The following SKIC8 variants were observed in gnomAD, a reference collection of about 807,000 sequenced individuals.
SKIC8 encodes the protein superkiller complex protein 8.
At chr15:78,289,023 C>A in the SKIC8 span, 1 of 395,934 alleles carries the variant, frequency 2.5e-6, no homozygotes, top group Non-Finnish European at 4.9e-6. Flanking sequence ...CACACACATA[C>A]ATAATGTGAT....
At chr15:78,294,614 T>C in the SKIC8 span, 1 of 303,726 alleles carries the variant, frequency 3.3e-6, no homozygotes, top group Non-Finnish European at 6.2e-6. Flanking sequence ...TGAGCCGGCA[T>C]TAACAGAGTT....
the SKIC8 span, chr15:78,285,894 C>A: frequency 1.7e-6 from 1 of 592,104 alleles, no homozygotes; most frequent in Non-Finnish European, 2.9e-6. Flanking sequence ...CAACTAACAT[C>A]ACTAAATAAA....
the SKIC8 span, chr15:78,293,240 C>G: frequency 6.2e-7 from 1 of 1,614,040 alleles, no homozygotes; most frequent in Non-Finnish European, 8.5e-7. Context: ...TTGTTTGTCC[C>G]CCAAGCAACT....
the SKIC8 span, chr15:78,292,721 T>C: frequency 1.9e-6 from 3 of 1,614,230 alleles, no homozygotes; most frequent in South Asian, 2.2e-5. Flanking sequence ...GTGTGGCTGA[T>C]GTCCACAGAC....
At chr15:78,283,533 A>C in the SKIC8 span, 179 of 1,593,364 alleles carry the variant, frequency 1.1e-4, 3 homozygotes, top group South Asian at 2.0e-3. Flanking sequence ...TGTAAATTTA[A>C]AAAAAGATAG....
chr15:78,289,043 T>A, the SKIC8 span: 2 of 357,810 alleles, frequency 5.6e-6, no homozygotes, highest in East Asian at 1.7e-4. Flanking sequence ...TAGATTACGA[T>A]ATAATAAATA....
chr15:78,297,776 C>T, the SKIC8 span, among the ~76,000 whole-genome samples: 1 of 152,172 alleles, frequency 6.6e-6, no homozygotes. Context: ...TAAGGGACCA[C>T]ACAGTTAAGG....
the SKIC8 span, chr15:78,283,806 C>T: frequency 4.4e-6 from 1 of 226,878 alleles, no homozygotes; most frequent in South Asian, 1.3e-4. Flanking sequence ...GAGTCAGAAT[C>T]CTGAAGTGTA....
At chr15:78,292,414 G>A in the SKIC8 span, 1 of 579,848 alleles carries the variant, frequency 1.7e-6, no homozygotes, top group South Asian at 2.0e-5. Flanking sequence ...AAACATTCAT[G>A]TTTACTTGCA....
the SKIC8 span, chr15:78,295,529 G>C: frequency 1.0e-6 from 1 of 987,046 alleles, no homozygotes. Context: ...TAACACTGTG[G>C]TGACTAGGTA....
At chr15:78,298,097 G>A in the SKIC8 span, among the ~76,000 whole-genome samples, 6 of 152,088 alleles carry the variant, frequency 3.9e-5, no homozygotes, top group Admixed American at 2.0e-4. Flanking sequence ...GGGTAGGAAA[G>A]ACAGGAAAGT....
the SKIC8 span, among the ~76,000 whole-genome samples, chr15:78,298,252 C>T: frequency 6.6e-6 from 1 of 152,194 alleles, no homozygotes; most frequent in South Asian, 2.1e-4. Context: ...AGGAGGAAGG[C>T]TTGCGGTAAG....
chr15:78,288,205 A>G, the SKIC8 span: 2 of 1,431,794 alleles, frequency 1.4e-6, no homozygotes, highest in Non-Finnish European at 1.9e-6. Flanking sequence ...GGTCTTTACT[A>G]GGGCTCCTCC....
At chr15:78,297,136 G>C in the SKIC8 span, among the ~76,000 whole-genome samples, 11 of 152,126 alleles carry the variant, frequency 7.2e-5, no homozygotes, top group Non-Finnish European at 1.5e-4. Flanking sequence ...CTTGCATTTA[G>C]AAGCACCTCA....
the SKIC8 span, chr15:78,295,393 A>G: frequency 1.6e-6 from 1 of 606,808 alleles, no homozygotes; most frequent in Non-Finnish European, 2.9e-6. Flanking sequence ...TCTATCTCCT[A>G]TTCTGATCTT....
At chr15:78,285,480 T>C in the SKIC8 span, 38 of 682,086 alleles carry the variant, frequency 5.6e-5, no homozygotes, top group South Asian at 4.3e-4. Context: ...ATCAGCATCA[T>C]TGGGTGGCTT....
At chr15:78,283,799 T>A in the SKIC8 span, 1 of 235,926 alleles carries the variant, frequency 4.2e-6, no homozygotes, top group African/African-American at 2.3e-5. Flanking sequence ...TTTCAAAGAG[T>A]CAGAATCCTG....
At chr15:78,290,211 T>C in the SKIC8 span, 4 of 1,129,518 alleles carry the variant, frequency 3.5e-6, no homozygotes, top group Non-Finnish European at 4.8e-6. Flanking sequence ...AGCAGTGTCC[T>C]GATTCAGAAA....
At chr15:78,287,076 G>T in the SKIC8 span, among the ~76,000 whole-genome samples, 1 of 152,084 alleles carries the variant, frequency 6.6e-6, no homozygotes, top group Non-Finnish European at 1.5e-5. Context: ...ACATTCTTGG[G>T]TCTTCATTCA....
Sources: gnomAD v4.1 joint callset for allele counts (sites outside exome capture counted in the v4.1 genomes callset) on GRCh38, gnomAD v4.1.1 for gene constraint, MANE v1.5 for transcripts, NCBI Gene and HGNC (gene_info 2026-07-23, HGNC 2026-07-21) for gene names.